YTHDC2: variants seen among roughly 807,000 people sequenced by gnomAD.
YTHDC2 encodes the protein YTH N6-methyladenosine RNA binding protein C2.
In YTHDC2, 45 loss-of-function variants were observed where a neutral mutation model predicts 174.9. The observed-to-expected ratio is 0.26, with a 90% confidence interval of 0.20 to 0.33. The LOEUF (loss-of-function observed/expected upper bound fraction) is 0.33, where lower values mean the gene tolerates loss of function less well. Ranked by LOEUF, YTHDC2 falls within the 10% of genes least tolerant of loss-of-function variation. The probability of loss-of-function intolerance (pLI) is 1.00; values close to 1 mark genes in which losing one functional copy is unlikely to be tolerated. For missense variants in YTHDC2, 1,650 were observed against 1,723.7 expected, an observed-to-expected ratio of 0.96 and a Z score of 0.76; for synonymous variants, 657 against 574.5, an observed-to-expected ratio of 1.14 and a Z score of -2.05.
At position 113,513,868 on chromosome 5, in the gene YTHDC2, C is replaced by T. The variant is rs767708882; in HGVS notation, c.-28C>T. The stretch of plus-strand genomic sequence containing the variant: ...GTCAGCTAGCAGGCCTGGCCGCTCC[C>T]GTGCGGAGAGACCATCTCTTCAGGG... On this transcript the variant is annotated 5_prime_UTR_variant, in exon 1 of 30. Coordinates refer to ENST00000161863, the MANE Select transcript of YTHDC2 (RefSeq NM_022828.5). 23 of 1,575,488 alleles carry T rather than the reference C, an allele frequency of 1.5e-5. No homozygotes were observed. The highest frequency in any genetic ancestry group is 1.9e-5 in the Admixed American group (1 of 53,976).
Position 113,513,913 on chromosome 5 carries a change from C to A in YTHDC2, c.18C>A (p.Ser6Arg). The A allele has an allele frequency of 6.2e-7, 1 of 1,605,030 alleles. No homozygotes were observed. Among genetic ancestry groups the A allele is most frequent in the East Asian group, 2.2e-5 (1 of 44,604 alleles). MSRPS[S>R]VSPRQPAPGG... is the part of the protein sequence containing the mutation. ...TCAGGGCAATGTCCAGGCCGAGCAG[C>A]GTCTCCCCGCGGCAGCCGGCTCCTG... Residue 6 changes from serine (S) to arginine (R), a missense_variant, in exon 1 of 30, where the codon AGC (serine) becomes AGA (arginine). Ser to Arg is a moderately radical substitution (Grantham distance 110). Coordinates refer to ENST00000161863, the MANE Select transcript of YTHDC2 (RefSeq NM_022828.5).
Position 113,556,097 on chromosome 5 carries a change from T to C in YTHDC2, c.2179T>C (p.Trp727Arg), listed in dbSNP as rs759544462. ...TTTTGTTACAATGTTAAAAATGGTA[T>C]GGATTTCCAAAGCTAGTGCCATACA... Reference protein sequence around the residue: ...LNFVTMLKMVWISKASAIQRK... With the variant: ...LNFVTMLKMVRISKASAIQRK... Residue 727 changes from tryptophan to arginine, a missense_variant, in exon 17 of 30, where the codon TGG (tryptophan) becomes CGG (arginine). Physicochemically the swap from Trp to Arg is moderately radical, Grantham distance 101. Around this residue, in one of 5 missense-constraint regions of YTHDC2, gnomAD observed 913 missense variants for 940.4 expected, o/e 0.97. Coordinates refer to ENST00000161863, the MANE Select transcript of YTHDC2 (RefSeq NM_022828.5). 5.6e-6 allele frequency: 9 copies of C among 1,610,152 alleles called. No homozygotes were observed. The highest frequency in any genetic ancestry group is 7.6e-6 in the Non-Finnish European group (9 of 1,177,210).
At chr5:113,530,848 A>AT (rs1408935778) in intron 4 of YTHDC2, among the ~76,000 whole-genome samples, 1 of 152,160 alleles carries the variant, frequency 6.6e-6, no homozygotes, top group Non-Finnish European at 1.5e-5. Context: ...CTTAAAAAAA[A>AT]CATTTCTTGC....
chr5:113,541,572 C>T (rs958233813), intron 9 of YTHDC2, among the ~76,000 whole-genome samples: 1 of 152,036 alleles, frequency 6.6e-6, no homozygotes, highest in African/African-American at 2.4e-5. Context: ...TTCAGAGCAA[C>T]TTTCTACTCT....
chr5:113,531,302 G>A (rs916993293), intron 4 of YTHDC2, among the ~76,000 whole-genome samples: 1 of 152,146 alleles, frequency 6.6e-6, no homozygotes, highest in Non-Finnish European at 1.5e-5. Flanking sequence ...GAGGGGCTGG[G>A]CCACTCACAG....
At chr5:113,565,838 C>T in intron 20 of YTHDC2, 55 bp from the exon 21 acceptor site, 2 of 1,555,570 alleles carry the variant, frequency 1.3e-6, no homozygotes, top group Non-Finnish European at 1.7e-6. Flanking sequence ...CTTGTTGCCT[C>T]ACTAAGAAGC....
rs1470417264 is a variant in YTHDC2 at position 113,594,779 on chromosome 5, A to G, written c.*1305A>G. 6.6e-6 allele frequency: 1 copy of G among 152,218 alleles called. No individual in the cohort carries two copies. The allele number at this position is 152,218 out of a possible 1,614,324, so 9.4% of individuals were successfully genotyped here. A position where few individuals can be genotyped will look rare whatever the true frequency, so the allele number is the denominator to read the frequency against. On this transcript the variant is annotated 3_prime_UTR_variant, in exon 30 of 30. Coordinates refer to ENST00000161863, the MANE Select transcript of YTHDC2 (RefSeq NM_022828.5). ...AAACAGGCAAACATGAGTGTAAATT[A>G]AAGACAAAAAGAAAACTCTGGTTTT...
chr5:113,516,846 CTACAGTGATAAAT>C (rs1275892765), intron 2 of YTHDC2, among the ~76,000 whole-genome samples: 1 of 152,154 alleles, frequency 6.6e-6, no homozygotes, highest in Non-Finnish European at 1.5e-5. Flanking sequence ...TGACTGCCTA[CTACAGTGATAAAT>C]TACTGAGACA....
chr5:113,554,763 T>A (rs2112678507), intron 16 of YTHDC2, among the ~76,000 whole-genome samples: 1 of 151,944 alleles, frequency 6.6e-6, no homozygotes, highest in African/African-American at 2.4e-5. Context: ...AAGCCATTTA[T>A]TTCCTTTTAG....
chr5:113,523,209 A>T (rs1012367022), intron 2 of YTHDC2, among the ~76,000 whole-genome samples: 1 of 152,184 alleles, frequency 6.6e-6, no homozygotes, highest in Non-Finnish European at 1.5e-5. Flanking sequence ...CCTTTCTGAG[A>T]TGATTTTTAA....
intron 12 of YTHDC2, among the ~76,000 whole-genome samples, chr5:113,549,564 A>C (rs1776111041): frequency 6.6e-6 from 1 of 152,192 alleles, no homozygotes; most frequent in Admixed American, 6.5e-5. Context: ...ACAAAACTAT[A>C]ATAAAAGATA....
intron 12 of YTHDC2, among the ~76,000 whole-genome samples, chr5:113,551,730 A>C (rs891228888): frequency 2.0e-5 from 3 of 152,168 alleles, no homozygotes; most frequent in African/African-American, 7.2e-5. Flanking sequence ...TGTTGTGCAC[A>C]TGTATCCCAG....
At position 113,563,996 on chromosome 5, in the gene YTHDC2, T is replaced by A; in HGVS notation, c.2580T>A (p.Ile860=). Residue 860 remains isoleucine (I), a synonymous_variant, in exon 20 of 30, where the codon ATT becomes ATA. Coordinates refer to ENST00000161863, the MANE Select transcript of YTHDC2 (RefSeq NM_022828.5). ...VLKCLDPILT[I]ACTLAYRDPF... is the part of the protein sequence containing the mutation. ...AGTGTCTGGACCCCATCCTTACAAT[T>A]GCTTGCACACTAGCTTATCGAGATC... is the stretch of plus-strand genomic sequence containing the variant. The A allele has an allele frequency of 6.2e-7, 1 of 1,614,138 alleles. No homozygotes were observed. Among genetic ancestry groups the A allele is most frequent in the Non-Finnish European group, 8.5e-7 (1 of 1,180,022 alleles).
At chr5:113,576,532 T>C (rs1778058704) in intron 23 of YTHDC2, among the ~76,000 whole-genome samples, 1 of 152,226 alleles carries the variant, frequency 6.6e-6, no homozygotes, top group African/African-American at 2.4e-5. Flanking sequence ...TCTTTCTCCA[T>C]ACTCAACCAT....
intron 23 of YTHDC2, 126 bp downstream of exon 23, chr5:113,567,975 A>G (rs777682934): frequency 3.0e-6 from 2 of 668,118 alleles, no homozygotes; most frequent in Non-Finnish European, 4.5e-6. Context: ...CTCTATTTTG[A>G]TGTACTAAGA....
chr5:113,566,416 A>G (rs1446772085), intron 21 of YTHDC2, among the ~76,000 whole-genome samples: 1 of 151,468 alleles, frequency 6.6e-6, no homozygotes, highest in Non-Finnish European at 1.5e-5. Context: ...TTTTTGGAAC[A>G]CAAAAACAGC....
Position 113,534,366 on chromosome 5 carries a change from G to A in YTHDC2, c.904G>A (p.Ala302Thr), listed in dbSNP as rs762201211. The change falls in exon 6 of 30, where the codon GCA (alanine) becomes ACA (threonine). Residue 302 changes from alanine (A) to threonine (T), a missense_variant. By Grantham distance (58) the Ala-to-Thr change is moderately conservative. This residue lies in a region of YTHDC2 where 411 missense variants were observed against 380.6 expected (regional missense o/e 1.08). Coordinates refer to ENST00000161863, the MANE Select transcript of YTHDC2 (RefSeq NM_022828.5). ...TNGVLLRTLM[A>T]GDSTLSTVTH... is the part of the protein sequence containing the mutation. ...TGGGGTATTGCTTCGTACATTGATG[G>A]CAGGAGATAGTACGTTGTCGACTGT... 6.2e-7 allele frequency: 1 copy of A among 1,612,614 alleles called. No homozygotes were observed. The highest frequency in any genetic ancestry group is 1.1e-5 in the South Asian group (1 of 90,926).
rs1779118687 is a variant in YTHDC2, at chr5:113,593,604, A to G, written c.*130A>G. The stretch of plus-strand genomic sequence containing the variant: ...TAACACTTTTAGAGTGTTGCTTTAG[A>G]ACTACCATCTTCATATACAGGAGAA... On this transcript the variant is annotated 3_prime_UTR_variant, in exon 30 of 30. Transcript: ENST00000161863. 1 of 375,388 alleles carries G rather than the reference A, an allele frequency of 2.7e-6. No individual in the cohort carries two copies. Among genetic ancestry groups the G allele is most frequent in the Non-Finnish European group, 4.8e-6 (1 of 206,640 alleles). The allele number at this position is 375,388 out of a possible 1,614,324, so 23.3% of individuals were successfully genotyped here. A position where few individuals can be genotyped will look rare whatever the true frequency, so the allele number is the denominator to read the frequency against.
At chr5:113,552,258 A>G (rs755547092) in intron 12 of YTHDC2, among the ~76,000 whole-genome samples, 2 of 152,104 alleles carry the variant, frequency 1.3e-5, no homozygotes, top group Non-Finnish European at 2.9e-5. Context: ...GACTTATGCA[A>G]TCATCACCAC....
Sources: allele counts gnomAD v4.1 joint callset (sites outside exome capture counted in the v4.1 genomes callset), GRCh38; gene constraint gnomAD v4.1.1; regional missense constraint gnomAD v4.1.1; transcripts MANE v1.5; gene names NCBI Gene and HGNC (gene_info 2026-07-23, HGNC 2026-07-21).